ARHGAP44: variants seen among roughly 807,000 people sequenced by gnomAD.
The protein encoded by ARHGAP44 is rho GTPase-activating protein 44.
Under a neutral mutation model 106.8 loss-of-function variants are expected in ARHGAP44, and 43 were observed. The observed-to-expected ratio is 0.40, with a 90% confidence interval of 0.32 to 0.52. The LOEUF is 0.52. Ranked by LOEUF, ARHGAP44 falls within the 20% of genes least tolerant of loss-of-function variation. The probability of loss-of-function intolerance (pLI) is 0.48; values close to 1 mark genes in which losing one functional copy is unlikely to be tolerated. For missense variants in ARHGAP44, 866 were observed against 1,050.5 expected, an observed-to-expected ratio of 0.82 and a Z score of 2.43; for synonymous variants, 439 against 410.3, an observed-to-expected ratio of 1.07 and a Z score of -0.85.
intron 1 of ARHGAP44, among the ~76,000 whole-genome samples, chr17:12,798,718 T>A (rs1016863180): frequency 6.6e-6 from 1 of 152,212 alleles, no homozygotes; most frequent in Non-Finnish European, 1.5e-5. Flanking sequence ...TTCCCCCATA[T>A]CTGTCATGTT....
intron 5 of ARHGAP44, among the ~76,000 whole-genome samples, chr17:12,918,039 G>T (rs911460384): frequency 6.6e-6 from 1 of 152,178 alleles, no homozygotes; most frequent in Non-Finnish European, 1.5e-5. Context: ...GGATTGACCA[G>T]CTCTCAGCTT....
At chr17:12,898,485 G>C (rs968435140) in intron 3 of ARHGAP44, among the ~76,000 whole-genome samples, 3 of 152,178 alleles carry the variant, frequency 2.0e-5, no homozygotes, top group African/African-American at 7.2e-5. Context: ...GCTTCCTAGA[G>C]ACTTGAGAAA....
intron 1 of ARHGAP44, 72 bp from the exon 2 acceptor site, chr17:12,894,868 A>G: frequency 1.5e-6 from 2 of 1,372,368 alleles, no homozygotes. Context: ...CCTTAATTGA[A>G]GAGATTAGGG....
chr17:12,807,541 T>C (rs527948759), intron 1 of ARHGAP44, among the ~76,000 whole-genome samples: 6 of 151,568 alleles, frequency 4.0e-5, no homozygotes, highest in African/African-American at 1.5e-4. Flanking sequence ...GGCAAGGGAG[T>C]ACGTATAGGG....
Position 12,958,578 on chromosome 17 carries a change from T to C in ARHGAP44, c.1343-139T>C. 1.3e-6 allele frequency: 1 copy of C among 774,186 alleles called. No individual in the cohort carries two copies. The highest frequency in any genetic ancestry group is 2.7e-5 in the East Asian group (1 of 36,758). 48.0% of individuals were successfully genotyped at this position (774,186 alleles called of 1,614,324 possible). ...TTTGGCCTGTTAATGTGATGCATTA[T>C]ATTAATAAGGTGAACCATGGGATGA... is the stretch of plus-strand genomic sequence containing the variant. On this transcript the variant is annotated intron_variant, in intron 15 of 20. Coordinates refer to ENST00000379672, the MANE Select transcript of ARHGAP44 (RefSeq NM_014859.6). This position sits in a 1 kb window ranked among gnomAD's most constrained non-coding sequence, Gnocchi z 4.1.
chr17:12,836,583 G>T (rs916458887), intron 1 of ARHGAP44, among the ~76,000 whole-genome samples: 4 of 151,856 alleles, frequency 2.6e-5, no homozygotes, highest in Admixed American at 6.6e-5. Flanking sequence ...AGGAGACAGA[G>T]ATTGCACTGA....
chr17:12,968,435 G>A (rs1179404402), intron 16 of ARHGAP44, among the ~76,000 whole-genome samples: 1 of 152,176 alleles, frequency 6.6e-6, no homozygotes, highest in Non-Finnish European at 1.5e-5. Flanking sequence ...CTGCGCCCTA[G>A]TGTATTTTGT....
At chr17:12,894,859 C>T in intron 1 of ARHGAP44, 81 bp from the exon 2 acceptor site, 3 of 1,302,246 alleles carry the variant, frequency 2.3e-6, no homozygotes, top group Non-Finnish European at 3.2e-6. Context: ...CTGGTATTGC[C>T]TTAATTGAAG....
intron 1 of ARHGAP44, among the ~76,000 whole-genome samples, chr17:12,809,820 A>G (rs993397680): frequency 6.6e-6 from 1 of 152,192 alleles, no homozygotes; most frequent in South Asian, 2.1e-4. Flanking sequence ...GATAAAGGCC[A>G]TGGTGGAACT....
At chr17:12,874,837 G>A (rs1422471423) in intron 1 of ARHGAP44, among the ~76,000 whole-genome samples, 1 of 152,040 alleles carries the variant, frequency 6.6e-6, no homozygotes, top group Non-Finnish European at 1.5e-5. Flanking sequence ...CTGGGTGCAG[G>A]TGGTGCTGTG....
chr17:12,845,534 CTCTT>C (rs2035547401), intron 1 of ARHGAP44, among the ~76,000 whole-genome samples: 1 of 137,908 alleles, frequency 7.3e-6, no homozygotes. Flanking sequence ...AAAAAAACAA[CTCTT>C]TCTTTCTTTT....
intron 20 of ARHGAP44, chr17:12,987,496 G>T: frequency 4.9e-6 from 1 of 202,042 alleles, no homozygotes; most frequent in Non-Finnish European, 1.0e-5. Context: ...TGTTCTTCGT[G>T]TGAGACTTTT....
intron 16 of ARHGAP44, among the ~76,000 whole-genome samples, chr17:12,970,414 AAAG>A (rs1328980258): frequency 1.4e-4 from 21 of 151,990 alleles, no homozygotes; most frequent in African/African-American, 2.9e-4. Flanking sequence ...AGAAAAGAAA[AAAG>A]AAGCAGTGGA....
At chr17:12,954,077 T>TC (rs397755847) in intron 13 of ARHGAP44, among the ~76,000 whole-genome samples, 1 of 150,774 alleles carries the variant, frequency 6.6e-6, no homozygotes, top group Non-Finnish European at 1.5e-5. Flanking sequence ...TTTTTTTTTT[T>TC]AGTAGAGACG....
At chr17:12,987,075 C>T (rs147211254) in intron 20 of ARHGAP44, 13 of 1,515,052 alleles carry the variant, frequency 8.6e-6, no homozygotes, top group African/African-American at 1.4e-5. Flanking sequence ...TTCCTTTCTC[C>T]GAATCCTATC....
At chr17:12,920,851 T>C (rs1027107992) in intron 6 of ARHGAP44, among the ~76,000 whole-genome samples, 2 of 152,132 alleles carry the variant, frequency 1.3e-5, no homozygotes, top group African/African-American at 4.8e-5. Flanking sequence ...CACCAGAAAA[T>C]TCCTGTAGTA....
At chr17:12,986,943 ATACG>A (rs2039975181) in intron 20 of ARHGAP44, 2 of 659,476 alleles carry the variant, frequency 3.0e-6, no homozygotes, top group Non-Finnish European at 5.1e-6. Flanking sequence ...GTTTTGTCCC[ATACG>A]TTCAGGTCTC....
intron 3 of ARHGAP44, among the ~76,000 whole-genome samples, chr17:12,902,168 T>C (rs148829026): frequency 6.6e-6 from 1 of 152,292 alleles, no homozygotes; most frequent in East Asian, 1.9e-4. Context: ...TGATGTGTCT[T>C]CTACCTGCAT....
At chr17:12,844,863 C>G (rs59892905) in intron 1 of ARHGAP44, among the ~76,000 whole-genome samples, 50,234 of 151,668 alleles carry the variant, frequency 0.33, 13,483 homozygotes, top group African/African-American at 0.74. Context: ...GGTTATCTGT[C>G]GAAGATTGGT....
Sources: gnomAD v4.1 joint callset for allele counts (sites outside exome capture counted in the v4.1 genomes callset) on GRCh38, gnomAD v4.1.1 for gene constraint, Gnocchi (gnomAD v3.1) non-coding constraint, MANE v1.5 for transcripts, NCBI Gene and HGNC (gene_info 2026-07-23, HGNC 2026-07-21) for gene names.